Variants in USP25 observed in about 807,000 individuals in gnomAD.
USP25 encodes the protein ubiquitin carboxyl-terminal hydrolase 25.
Under a neutral mutation model 158.5 loss-of-function variants are expected in USP25, and 85 were observed. That is an observed-to-expected ratio of 0.54 (90% CI 0.45 to 0.64). The LOEUF (loss-of-function observed/expected upper bound fraction) is 0.64. Ranked by LOEUF, USP25 falls within the 30% of genes least tolerant of loss-of-function variation. USP25 has a pLI of 0.00. For synonymous variants in USP25, 464 were observed against 460.4 expected, an observed-to-expected ratio of 1.01 and a Z score of -0.10; for missense variants, 1,242 against 1,327.3, an observed-to-expected ratio of 0.94 and a Z score of 1.00.
At chr21:15,742,969 A>G (rs2032199405) in intron 1 of USP25, among the ~76,000 whole-genome samples, 1 of 152,126 alleles carries the variant, frequency 6.6e-6, no homozygotes, top group African/African-American at 2.4e-5. Flanking sequence ...GAACCCAGAA[A>G]CTCGGAGACG....
intron 9 of USP25, 94 bp from the exon 10 acceptor site, chr21:15,818,604 C>T: frequency 9.0e-7 from 1 of 1,112,602 alleles, no homozygotes; most frequent in Non-Finnish European, 1.3e-6. Flanking sequence ...GTCAGTGTTA[C>T]AATTTTCAGG....
At chr21:15,874,574 G>A (rs746232480) in intron 24 of USP25, 48 bp downstream of exon 24, 2 of 1,526,756 alleles carry the variant, frequency 1.3e-6, no homozygotes, top group East Asian at 2.3e-5. Context: ...TCTGACATTG[G>A]GCAAGTTTTC....
chr21:15,866,211 AT>A, intron 21 of USP25, 54 bp from the exon 22 acceptor site: 1 of 1,054,080 alleles, frequency 9.5e-7, no homozygotes. Flanking sequence ...AAATATATAT[AT>A]ATATATATAC....
At chr21:15,777,847 A>G in intron 3 of USP25, 57 bp from the exon 4 acceptor site, 1 of 1,498,756 alleles carries the variant, frequency 6.7e-7, no homozygotes, top group African/African-American at 1.4e-5. Context: ...CTCCATAATA[A>G]AAATCCTTTC....
In USP25 at chr21:15,826,668, A is replaced by G. The variant is rs2037519256; in HGVS notation, c.1466+303A>G. 6.6e-6 allele frequency among the ~76,000 whole-genome samples: 1 copy of G among 152,220 alleles called. No individual in the cohort carries two copies. Among genetic ancestry groups the G allele is most frequent in the African/African-American group, 2.4e-5 (1 of 41,466 alleles). ...TATGATCCATAAAAATAGTACTATC[A>G]AATTAGAATTTGTTTCTGTAATGTA... On this transcript the variant is annotated intron_variant, in intron 13 of 25. Transcript: ENST00000400183. The surrounding 1 kb of genome is among the most constrained non-coding windows in gnomAD (Gnocchi z 4.8).
At chr21:15,870,272 A>G (rs2039829838) in intron 23 of USP25, 125 bp downstream of exon 23, 1 of 631,284 alleles carries the variant, frequency 1.6e-6, no homozygotes, top group East Asian at 3.2e-5. Context: ...TTTATTTTAG[A>G]TCAGTTTTAA....
rs569067839 is a variant in USP25 at position 15,797,446 on chromosome 21, C to T, written c.556-2311C>T. 2.0e-5 allele frequency among the ~76,000 whole-genome samples: 3 copies of T among 151,308 alleles called. No homozygotes were observed. The East Asian group carries it at 5.8e-4, about 29-fold the overall frequency. ...AGCTGACTTTGATACCTTTAAACAT[C>T]AAGTCACACATAAGCAGAAATAATG... On this transcript the variant is annotated intron_variant, in intron 5 of 25. Coordinates refer to ENST00000400183, the MANE Select transcript of USP25 (RefSeq NM_001283041.3).
chr21:15,852,459 T>C (rs2038933372), intron 20 of USP25, among the ~76,000 whole-genome samples: 1 of 152,196 alleles, frequency 6.6e-6, no homozygotes, highest in Non-Finnish European at 1.5e-5. Flanking sequence ...CATTGTGAGC[T>C]TTAAATAAAT....
At chr21:15,814,277 C>A (rs538447371) in intron 9 of USP25, among the ~76,000 whole-genome samples, 7 of 151,678 alleles carry the variant, frequency 4.6e-5, no homozygotes, top group African/African-American at 1.7e-4. Flanking sequence ...TCCAATTAAA[C>A]CTCTTTTTCT....
intron 1 of USP25, among the ~76,000 whole-genome samples, chr21:15,747,815 A>G (rs1301271316): frequency 6.6e-6 from 1 of 152,170 alleles, no homozygotes; most frequent in East Asian, 1.9e-4. Context: ...ATATTTTTGG[A>G]CTACGCTTGA....
chr21:15,795,275 G>A (rs1337466871), intron 5 of USP25, among the ~76,000 whole-genome samples: 3 of 151,608 alleles, frequency 2.0e-5, no homozygotes, highest in African/African-American at 7.2e-5. Context: ...TTATAACTTT[G>A]TAAATGTTAC....
chr21:15,846,258 G>T (rs1205734262), intron 18 of USP25, among the ~76,000 whole-genome samples: 1 of 144,318 alleles, frequency 6.9e-6, no homozygotes, highest in African/African-American at 2.6e-5. Flanking sequence ...CGCCTCCCAG[G>T]TTCAAGCAAT....
At position 15,730,260 on chromosome 21, in the gene USP25, G is replaced by C; in HGVS notation, c.-134G>C. The C allele has an allele frequency of 1.1e-6, 1 of 941,068 alleles. No homozygotes were observed. Among genetic ancestry groups the C allele is most frequent in the Non-Finnish European group, 1.3e-6 (1 of 789,534 alleles). 58.3% of individuals were successfully genotyped at this position (941,068 alleles called of 1,614,324 possible). On this transcript the variant is annotated 5_prime_UTR_variant, in exon 1 of 26. Coordinates refer to ENST00000400183, the MANE Select transcript of USP25 (RefSeq NM_001283041.3). ...GCCGGCCGCCATCGCCTTCGCGCCTGGCTGGCGGGGGCGCTGTCCTCCCAG... is the reference window on the plus strand; with the variant it reads ...GCCGGCCGCCATCGCCTTCGCGCCTCGCTGGCGGGGGCGCTGTCCTCCCAG...
At chr21:15,810,812 A>T (rs1197452585) in intron 8 of USP25, among the ~76,000 whole-genome samples, 2 of 152,208 alleles carry the variant, frequency 1.3e-5, no homozygotes, top group Admixed American at 6.5e-5. Context: ...TATGAGATTG[A>T]AATGTGTAAT....
chr21:15,818,966 A>ATTCTC, intron 10 of USP25, 120 bp downstream of exon 10: 1 of 1,235,614 alleles, frequency 8.1e-7, no homozygotes, highest in Non-Finnish European at 1.1e-6. Flanking sequence ...CTCAGAGAGT[A>ATTCTC]TGTTTGGATT....
At chr21:15,784,533 T>C (rs571563150) in intron 4 of USP25, among the ~76,000 whole-genome samples, 2 of 152,040 alleles carry the variant, frequency 1.3e-5, no homozygotes, top group East Asian at 1.9e-4. Context: ...GATCACGCCA[T>C]TGGACTCCAG....
intron 9 of USP25, among the ~76,000 whole-genome samples, chr21:15,817,146 T>C (rs2036981908): frequency 6.7e-6 from 1 of 148,750 alleles, no homozygotes; most frequent in Non-Finnish European, 1.5e-5. Context: ...AAAAATAAAA[T>C]GTCATCATCA....
chr21:15,782,729 C>T (rs532110092), intron 4 of USP25, among the ~76,000 whole-genome samples: 2 of 152,174 alleles, frequency 1.3e-5, no homozygotes, highest in East Asian at 3.9e-4. Flanking sequence ...CAATCAGCAC[C>T]CTAGGACCCA....
intron 1 of USP25, among the ~76,000 whole-genome samples, chr21:15,738,546 A>G (rs1039661659): frequency 7.9e-5 from 12 of 152,200 alleles, no homozygotes; most frequent in African/African-American, 2.9e-4. Flanking sequence ...GCTTTTAAAA[A>G]TTTGTTATTG....
Sources: allele counts gnomAD v4.1 joint callset (sites outside exome capture counted in the v4.1 genomes callset), GRCh38; gene constraint gnomAD v4.1.1; non-coding constraint Gnocchi (gnomAD v3.1); transcripts MANE v1.5; gene names NCBI Gene and HGNC (gene_info 2026-07-23, HGNC 2026-07-21).